ATXN7L1: variants seen among roughly 807,000 people sequenced by gnomAD.
ATXN7L1 encodes ataxin 7 like 1.
Under a neutral mutation model 70.8 loss-of-function variants are expected in ATXN7L1, and 15 were observed. The observed-to-expected ratio is 0.21, with a 90% CI of 0.14 to 0.33. The LOEUF is 0.33. Ranked by LOEUF, ATXN7L1 falls within the 10% of genes least tolerant of loss-of-function variation. The pLI, the probability that ATXN7L1 is intolerant of heterozygous loss-of-function variation, is 1.00. For missense variants in ATXN7L1, 975 were observed against 1,097.1 expected, an observed-to-expected ratio of 0.89 and a Z score of 1.57; for synonymous variants, 440 against 445.1, an observed-to-expected ratio of 0.99 and a Z score of 0.14.
chr7:105,805,181 T>C (rs1381645236), intron 2 of ATXN7L1, among the ~76,000 whole-genome samples: 1 of 152,160 alleles, frequency 6.6e-6, no homozygotes, highest in Non-Finnish European at 1.5e-5. Flanking sequence ...AGTGACATGA[T>C]TAAACAGGCA....
At chr7:105,716,738 G>C (rs2116287213) in intron 3 of ATXN7L1, among the ~76,000 whole-genome samples, 1 of 147,076 alleles carries the variant, frequency 6.8e-6, no homozygotes, top group East Asian at 2.0e-4. Context: ...AAATTAGCCA[G>C]GTATGGTGGC....
At chr7:105,789,339 T>G (rs1419595812) in intron 2 of ATXN7L1, among the ~76,000 whole-genome samples, 1 of 152,168 alleles carries the variant, frequency 6.6e-6, no homozygotes, top group African/African-American at 2.4e-5. Context: ...AAGAATGAGT[T>G]CTCTGCTCTC....
intron 7 of ATXN7L1, among the ~76,000 whole-genome samples, chr7:105,632,656 T>C (rs1462041182): frequency 6.6e-6 from 1 of 151,946 alleles, no homozygotes; most frequent in Non-Finnish European, 1.5e-5. Flanking sequence ...AGTGCAGTGG[T>C]TCACATCTGT....
intron 9 of ATXN7L1, among the ~76,000 whole-genome samples, chr7:105,616,713 T>A (rs1377259029): frequency 1.3e-5 from 2 of 152,176 alleles, no homozygotes; most frequent in Non-Finnish European, 2.9e-5. Context: ...AGGACTCCCA[T>A]ATGATCAGAC....
At chr7:105,791,784 A>G (rs940719612) in intron 2 of ATXN7L1, among the ~76,000 whole-genome samples, 1 of 152,212 alleles carries the variant, frequency 6.6e-6, no homozygotes, top group African/African-American at 2.4e-5. Flanking sequence ...TATTTATTCA[A>G]TAAGCATTTA....
intron 2 of ATXN7L1, among the ~76,000 whole-genome samples, chr7:105,863,330 G>C (rs1816916790): frequency 6.6e-6 from 1 of 152,232 alleles, no homozygotes; most frequent in African/African-American, 2.4e-5. Flanking sequence ...TTCCCTGATG[G>C]GGAGACCCAG....
At chr7:105,691,577 C>T (rs1790840516) in intron 3 of ATXN7L1, 1 of 150,940 alleles carries the variant, frequency 6.6e-6, no homozygotes, top group South Asian at 2.1e-4. Flanking sequence ...CTCAGGCTGC[C>T]AACTTAATCT....
At chr7:105,781,140 T>A (rs1803465487) in intron 3 of ATXN7L1, among the ~76,000 whole-genome samples, 1 of 152,152 alleles carries the variant, frequency 6.6e-6, no homozygotes, top group African/African-American at 2.4e-5. Context: ...AGACACAGAA[T>A]GAGCCCCACA....
At chr7:105,663,930 C>T (rs1463042437) in intron 4 of ATXN7L1, among the ~76,000 whole-genome samples, 1 of 152,010 alleles carries the variant, frequency 6.6e-6, no homozygotes, top group African/African-American at 2.4e-5. Flanking sequence ...ACACTATGCC[C>T]AGCTAATTTT....
chr7:105,756,572 G>C (rs1461157990), intron 3 of ATXN7L1, among the ~76,000 whole-genome samples: 1 of 152,126 alleles, frequency 6.6e-6, no homozygotes, highest in East Asian at 1.9e-4. Context: ...ATAGGAACCT[G>C]GATGTAGCAA....
chr7:105,716,665 G>GCACGCACA (rs1381308601), intron 3 of ATXN7L1, among the ~76,000 whole-genome samples: 2 of 125,524 alleles, frequency 1.6e-5, no homozygotes, highest in East Asian at 4.6e-4. Context: ...ACCTATCTCT[G>GCACGCACA]CACACACACA....
chr7:105,871,995 A>ATTT (rs970133304), intron 2 of ATXN7L1, among the ~76,000 whole-genome samples: 2 of 143,780 alleles, frequency 1.4e-5, no homozygotes, highest in African/African-American at 2.5e-5. Context: ...AACCAAAATA[A>ATTT]TTTTTTTTTT....
At chr7:105,666,922 TC>T (rs1445151599) in intron 3 of ATXN7L1, among the ~76,000 whole-genome samples, 1 of 152,172 alleles carries the variant, frequency 6.6e-6, no homozygotes, top group Non-Finnish European at 1.5e-5. Flanking sequence ...CACTTAAACT[TC>T]CTTGGTTCCT....
Position 105,628,240 on chromosome 7 carries a change from G to T in ATXN7L1, c.1203-3973C>A, listed in dbSNP as rs1175154097. On this transcript the variant is annotated intron_variant, in intron 7 of 11. Transcript: ENST00000419735. ...AAACATATCATCAAAAAATGTAGAT[G>T]AAGCAAATATAATTGCAAAATATTA... Among the ~76,000 whole-genome samples the T allele has an allele frequency of 2.0e-5, 3 of 152,056 alleles. No individual in the cohort carries two copies. The East Asian group carries it at 5.8e-4, about 29-fold the overall frequency.
Position 105,692,424 on chromosome 7 carries a change from T to TCCTTCCTTCCTTCCTCCCTC in ATXN7L1, c.356-27137_356-27136insGAGGGAGGAAGGAAGGAAGG. Among the ~76,000 whole-genome samples, 220 of 88,160 alleles carry TCCTTCCTTCCTTCCTCCCTC rather than the reference T, an allele frequency of 2.5e-3. 4 individuals are homozygous for TCCTTCCTTCCTTCCTCCCTC. Among genetic ancestry groups the TCCTTCCTTCCTTCCTCCCTC allele is most frequent in the South Asian group, 4.5e-3 (11 of 2,462 alleles). 57.8% of individuals were successfully genotyped at this position (88,160 alleles called of 152,430 possible). A position where few individuals can be genotyped will look rare whatever the true frequency, so the allele number is the denominator to read the frequency against. On this transcript the variant is annotated intron_variant, in intron 3 of 11. Transcript: ENST00000419735. ...TTCCTTCCTTCCTTCCTTCCTTCCTTCCTCCCTCCCTCCCTCCCTCCCTTC... is the reference window on the plus strand; with the variant it reads ...TTCCTTCCTTCCTTCCTTCCTTCCTTCCTTCCTTCCTTCCTCCCTCCCTCCCTCCCTCCCTCCCTCCCTTC...
At chr7:105,613,762 A>G (rs1031873074) in intron 10 of ATXN7L1, 100 bp downstream of exon 10, 3 of 1,538,862 alleles carry the variant, frequency 1.9e-6, no homozygotes, top group Non-Finnish European at 2.6e-6. Context: ...ACAGGAATCA[A>G]GCTTGTGTTA....
intron 3 of ATXN7L1, among the ~76,000 whole-genome samples, chr7:105,756,045 C>T (rs1799761613): frequency 1.3e-5 from 2 of 152,160 alleles, no homozygotes; most frequent in African/African-American, 4.8e-5. Context: ...ACGCGTGTAT[C>T]GTCAGAGGCT....
intron 3 of ATXN7L1, among the ~76,000 whole-genome samples, chr7:105,727,976 T>G (rs1796111479): frequency 6.6e-6 from 1 of 151,528 alleles, no homozygotes; most frequent in Admixed American, 6.6e-5. Flanking sequence ...CTTGTAATAA[T>G]GTATTACTTG....
intron 3 of ATXN7L1, among the ~76,000 whole-genome samples, chr7:105,726,677 T>C (rs925854712): frequency 6.6e-6 from 1 of 152,160 alleles, no homozygotes; most frequent in Non-Finnish European, 1.5e-5. Flanking sequence ...TAGGAGATGA[T>C]CAATCATGTT....
Sources: allele counts gnomAD v4.1 joint callset (sites outside exome capture counted in the v4.1 genomes callset), GRCh38; gene constraint gnomAD v4.1.1; transcripts MANE v1.5; gene names NCBI Gene and HGNC (gene_info 2026-07-23, HGNC 2026-07-21).